Variants in AGBL4 observed in about 807,000 individuals in gnomAD.
AGBL4 encodes AGBL carboxypeptidase 4.
A neutral mutation model predicts 66.4 loss-of-function variants in AGBL4; 58 were observed. The ratio of observed to expected loss-of-function variants is 0.87; its 90% CI spans 0.71 to 1.09. The LOEUF is 1.09. Ranked by LOEUF, AGBL4 falls within the 50% of genes least tolerant of loss-of-function variation. AGBL4 has a pLI of 0.00. For missense variants in AGBL4, 579 were observed against 631.0 expected, an observed-to-expected ratio of 0.92 and a Z score of 0.88; for synonymous variants, 234 against 222.9, an observed-to-expected ratio of 1.05 and a Z score of -0.44.
intron 2 of AGBL4, among the ~76,000 whole-genome samples, chr1:49,839,593 T>A (rs1342251197): frequency 3.9e-5 from 6 of 152,332 alleles, no homozygotes; most frequent in African/African-American, 1.4e-4. Context: ...TGAGGAATAA[T>A]GTAATATAAT....
rs529541064 is a variant in AGBL4 at position 49,194,023 on chromosome 1, T to C, written c.377+51747A>G. On this transcript the variant is annotated intron_variant, in intron 4 of 13. Transcript: ENST00000371839. ...TTATCAAATGTTCTTCAAATGTCTG[T>C]TAGGTCCATTTGGTCTAAAGTCCAT... 2.0e-5 allele frequency among the ~76,000 whole-genome samples: 3 copies of C among 152,366 alleles called. No individual in the cohort carries two copies. The East Asian group carries it at 5.8e-4, about 29-fold the overall frequency.
rs1645447243 is a variant in AGBL4, at chr1:49,113,177, C to T, written c.378-67377G>A. Reference sequence around the variant, plus strand: ...ATGTTAGCCAGGATGGTCTTGATCTCCTGACCTCGTGATCCACCCACCTCG... The same window carrying T: ...ATGTTAGCCAGGATGGTCTTGATCTTCTGACCTCGTGATCCACCCACCTCG... On this transcript the variant is annotated intron_variant, in intron 4 of 13. Coordinates refer to ENST00000371839, the MANE Select transcript of AGBL4 (RefSeq NM_032785.4). 2.0e-5 allele frequency among the ~76,000 whole-genome samples: 3 copies of T among 151,842 alleles called. No individual in the cohort carries two copies. The South Asian group carries it at 6.2e-4, about 32-fold the overall frequency.
intron 3 of AGBL4, among the ~76,000 whole-genome samples, chr1:49,650,426 C>T (rs1330700142): frequency 6.6e-6 from 1 of 152,172 alleles, no homozygotes; most frequent in Admixed American, 6.5e-5. Context: ...GCCCTTGCAA[C>T]CCTAGGAAAT....
At chr1:48,626,080 C>A (rs762886212) in intron 9 of AGBL4, among the ~76,000 whole-genome samples, 16 of 152,164 alleles carry the variant, frequency 1.1e-4, no homozygotes, top group Non-Finnish European at 2.2e-4. Flanking sequence ...CCATATTGAA[C>A]CTTTCACCCC....
intron 11 of AGBL4, among the ~76,000 whole-genome samples, chr1:48,546,563 G>C (rs568646815): frequency 2.6e-5 from 4 of 152,198 alleles, no homozygotes; most frequent in African/African-American, 9.7e-5. Flanking sequence ...AGCTAACCGC[G>C]TAGAGTGGAA....
At chr1:49,528,327 TA>T (rs931546950) in intron 3 of AGBL4, among the ~76,000 whole-genome samples, 2 of 152,046 alleles carry the variant, frequency 1.3e-5, no homozygotes, top group Non-Finnish European at 2.9e-5. Context: ...TTTTTCAACT[TA>T]AACTAGCTTG....
At chr1:49,798,853 T>C (rs1419324183) in intron 2 of AGBL4, among the ~76,000 whole-genome samples, 2 of 152,302 alleles carry the variant, frequency 1.3e-5, no homozygotes, top group Non-Finnish European at 1.5e-5. Flanking sequence ...AATTAAGTGT[T>C]AATCACCATG....
At chr1:48,609,897 C>G (rs960212835) in intron 9 of AGBL4, among the ~76,000 whole-genome samples, 1 of 152,140 alleles carries the variant, frequency 6.6e-6, no homozygotes, top group Non-Finnish European at 1.5e-5. Flanking sequence ...ATTTTCTGTC[C>G]TCCGAGGTCA....
At chr1:48,655,501 C>T (rs17104620) in intron 7 of AGBL4, among the ~76,000 whole-genome samples, 1,932 of 152,228 alleles carry the variant, frequency 0.013, 18 homozygotes, top group African/African-American at 0.022. Context: ...TGAGTGTTAG[C>T]TACAGAAGTT....
intron 3 of AGBL4, among the ~76,000 whole-genome samples, chr1:49,434,362 C>T (rs1475110158): frequency 6.6e-6 from 1 of 152,084 alleles, no homozygotes; most frequent in African/African-American, 2.4e-5. Context: ...CAACTGTTAC[C>T]TATTTTGCAG....
chr1:49,792,645 CCTTT>C (rs1644628906), intron 2 of AGBL4, among the ~76,000 whole-genome samples: 1 of 151,956 alleles, frequency 6.6e-6, no homozygotes, highest in Admixed American at 6.6e-5. Context: ...TAAATCAAGT[CCTTT>C]CTTTCTTACC....
At chr1:49,890,970 T>A (rs1478285176) in intron 1 of AGBL4, among the ~76,000 whole-genome samples, 1 of 152,070 alleles carries the variant, frequency 6.6e-6, no homozygotes, top group Admixed American at 6.6e-5. Flanking sequence ...GGTAGTAAAA[T>A]GTGCTATGAA....
chr1:48,524,859 T>G, the AGBL4 span, among the ~76,000 whole-genome samples: 8 of 152,050 alleles, frequency 5.3e-5, no homozygotes, highest in Non-Finnish European at 8.8e-5. Flanking sequence ...TTTTTTTTTT[T>G]TTTTTGTTTT....
chr1:48,791,776 A>G (rs1211430415), intron 6 of AGBL4, among the ~76,000 whole-genome samples: 1 of 152,214 alleles, frequency 6.6e-6, no homozygotes, highest in African/African-American at 2.4e-5. Flanking sequence ...TCTACCTCAG[A>G]TCTTTGCACA....
intron 3 of AGBL4, among the ~76,000 whole-genome samples, chr1:49,662,076 T>C (rs1285955177): frequency 6.6e-6 from 1 of 151,710 alleles, no homozygotes; most frequent in African/African-American, 2.4e-5. Context: ...AATAATAATA[T>C]ATTATTTCTT....
intron 9 of AGBL4, among the ~76,000 whole-genome samples, chr1:48,614,985 A>C (rs745833278): frequency 5.3e-5 from 8 of 152,194 alleles, no homozygotes; most frequent in Non-Finnish European, 8.8e-5. Context: ...CAATGACAGA[A>C]GGCTTTCTGG....
chr1:49,373,344 T>C (rs1370700709), intron 3 of AGBL4, among the ~76,000 whole-genome samples: 1 of 152,168 alleles, frequency 6.6e-6, no homozygotes, highest in Non-Finnish European at 1.5e-5. Context: ...GATATCTCCA[T>C]GAGGAGTAAC....
At chr1:49,735,163 T>C (rs1649761790) in intron 2 of AGBL4, among the ~76,000 whole-genome samples, 1 of 152,042 alleles carries the variant, frequency 6.6e-6, no homozygotes, top group South Asian at 2.1e-4. Context: ...GGTGAATATA[T>C]CTTACACAAT....
intron 4 of AGBL4, among the ~76,000 whole-genome samples, chr1:49,050,922 C>T (rs1205664407): frequency 6.6e-6 from 1 of 152,108 alleles, no homozygotes; most frequent in Non-Finnish European, 1.5e-5. Context: ...CCCACCTATC[C>T]TCTCTACTTT....
Sources: gnomAD v4.1 joint callset for allele counts (sites outside exome capture counted in the v4.1 genomes callset) on GRCh38, gnomAD v4.1.1 for gene constraint, MANE v1.5 for transcripts, NCBI Gene and HGNC (gene_info 2026-07-23, HGNC 2026-07-21) for gene names.